Variants in RAB33A observed in about 807,000 individuals in gnomAD.
RAB33A encodes ras-related protein Rab-33A.
In RAB33A, 6 loss-of-function variants were observed where a neutral mutation model predicts 12.0. The observed-to-expected ratio is 0.50, with a 90% CI of 0.27 to 0.99. RAB33A has a LOEUF of 0.99. Ranked by LOEUF, RAB33A falls within the 50% of genes least tolerant of loss-of-function variation. RAB33A has a pLI of 0.11. For synonymous variants in RAB33A, 70 were observed against 82.4 expected (o/e 0.85, Z 0.81); for missense variants, 109 against 192.0 (o/e 0.57, Z 2.55).
At chrX:130,145,495 A>G in the RAB33A span, 3 of 1,208,101 alleles carry the variant, frequency 2.5e-6, no homozygotes, top group African/African-American at 5.2e-5. Context: ...CCCAGTGAGG[A>G]CAGCCACACC....
chrX:130,115,769 T>C, the RAB33A span, among the ~76,000 whole-genome samples: 1,892 of 111,075 alleles, frequency 0.017, 30 homozygotes, highest in African/African-American at 0.059. Context: ...ACTTTTGGAA[T>C]GAGGAGTGTA....
At chrX:130,113,303 G>A in the RAB33A span, among the ~76,000 whole-genome samples, 3 of 108,505 alleles carry the variant, frequency 2.8e-5, no homozygotes, top group Non-Finnish European at 3.8e-5. Flanking sequence ...GGATGGTCTC[G>A]ATCTCCTGAC....
At chrX:130,180,243 G>A (rs765199985) in intron 1 of RAB33A, among the ~76,000 whole-genome samples, 2 of 111,713 alleles carry the variant, frequency 1.8e-5, no homozygotes, top group African/African-American at 3.3e-5. Context: ...GGCTGCAGTC[G>A]TTTCCTGAAG....
At chrX:130,157,061 T>C in the RAB33A span, among the ~76,000 whole-genome samples, 3 of 111,722 alleles carry the variant, frequency 2.7e-5, no homozygotes, top group East Asian at 8.4e-4. Flanking sequence ...CAGGACACAG[T>C]TCAATCTTGC....
the RAB33A span, among the ~76,000 whole-genome samples, chrX:130,112,115 A>G: frequency 8.9e-6 from 1 of 111,990 alleles, no homozygotes; most frequent in Non-Finnish European, 1.9e-5. Context: ...GTGGTGGATG[A>G]TGGCCACAAA....
chrX:130,151,558 G>A, the RAB33A span, among the ~76,000 whole-genome samples: 1 of 112,041 alleles, frequency 8.9e-6, no homozygotes, highest in Non-Finnish European at 1.9e-5. Flanking sequence ...AGCATTTAAC[G>A]TTGTGACAAA....
chrX:130,155,906 T>C, the RAB33A span, among the ~76,000 whole-genome samples: 1 of 112,364 alleles, frequency 8.9e-6, no homozygotes, highest in East Asian at 2.8e-4. Flanking sequence ...TTAAACACCA[T>C]ATTTCTCACC....
the RAB33A span, among the ~76,000 whole-genome samples, chrX:130,153,528 G>A: frequency 1.8e-5 from 2 of 111,163 alleles, no homozygotes; most frequent in Non-Finnish European, 3.8e-5. Flanking sequence ...TCACTGTTAT[G>A]GACTGAATGT....
chrX:130,157,935 CAGAGTGAGACTCCGTCTCAAAAA>C, the RAB33A span, among the ~76,000 whole-genome samples: 23 of 79,140 alleles, frequency 2.9e-4, no homozygotes, highest in African/African-American at 1.1e-3. Context: ...AGCCTGGCAA[CAGAGTGAGACTCCGTCTCAAAAA>C]AAAAAAAAAA....
chrX:130,134,149 ATG>A, the RAB33A span, among the ~76,000 whole-genome samples: 1 of 109,847 alleles, frequency 9.1e-6, no homozygotes, highest in Non-Finnish European at 1.9e-5. Context: ...AGACAGGAGA[ATG>A]GCTTGAACCC....
chrX:130,170,000 A>G (rs1190298911), upstream of RAB33A, among the ~76,000 whole-genome samples: 1 of 112,442 alleles, frequency 8.9e-6, no homozygotes, highest in African/African-American at 3.2e-5. Flanking sequence ...ATACTGTACA[A>G]TGATGATTGA....
the RAB33A span, among the ~76,000 whole-genome samples, chrX:130,166,375 C>T: frequency 2.3e-3 from 257 of 111,535 alleles, no homozygotes; most frequent in African/African-American, 7.9e-3. Flanking sequence ...GTTGTGTGTC[C>T]TAGATGCTGT....
the RAB33A span, among the ~76,000 whole-genome samples, chrX:130,113,622 C>G: frequency 2.7e-5 from 3 of 110,409 alleles, no homozygotes; most frequent in Non-Finnish European, 5.7e-5. Context: ...TGGGGTTTCT[C>G]CATGTTGGTC....
the RAB33A span, chrX:130,140,659 T>C: frequency 9.6e-7 from 1 of 1,038,956 alleles, no homozygotes; most frequent in Non-Finnish European, 1.3e-6. Context: ...TAGAGATGAA[T>C]TAGCATTGAA....
intron 1 of RAB33A, among the ~76,000 whole-genome samples, chrX:130,177,004 A>G (rs773035075): frequency 8.9e-6 from 1 of 112,445 alleles, no homozygotes; most frequent in Non-Finnish European, 1.9e-5. Context: ...GAGCACATGC[A>G]GGGGGTTGGG....
At chrX:130,143,757 G>C in the RAB33A span, among the ~76,000 whole-genome samples, 1 of 110,396 alleles carries the variant, frequency 9.1e-6, no homozygotes, top group Admixed American at 9.7e-5. Context: ...TGAGGCAGGA[G>C]AATCGCTTGA....
chrX:130,157,932 C>T, the RAB33A span, among the ~76,000 whole-genome samples: 1 of 69,780 alleles, frequency 1.4e-5, no homozygotes, highest in East Asian at 4.4e-4. Flanking sequence ...TCCAGCCTGG[C>T]AACAGAGTGA....
the RAB33A span, among the ~76,000 whole-genome samples, chrX:130,121,121 C>CCCA: frequency 8.9e-6 from 1 of 112,678 alleles, no homozygotes; most frequent in Admixed American, 9.3e-5. Context: ...CTGCCCTGGG[C>CCCA]GCCTCTTCTG....
At position 130,172,035 on chromosome X, in the gene RAB33A, G is replaced by T; in HGVS notation, c.-28G>T. ...TCTTTGTGTGGAGCCCTCAAGGGGG[G>T]TTGGGGCCCCGGTTCGGTCCGGGGG... On this transcript the variant is annotated 5_prime_UTR_variant, in exon 1 of 2. Transcript: ENST00000257017. 3 of 1,188,535 alleles carry T rather than the reference G, an allele frequency of 2.5e-6. No individual in the cohort carries two copies. The highest frequency in any genetic ancestry group is 2.3e-6 in the Non-Finnish European group (2 of 885,488).
Sources: allele counts gnomAD v4.1 joint callset (sites outside exome capture counted in the v4.1 genomes callset), GRCh38; gene constraint gnomAD v4.1.1; transcripts MANE v1.5; gene names NCBI Gene and HGNC (gene_info 2026-07-23, HGNC 2026-07-21).